CLVS1: variants seen among roughly 807,000 people sequenced by gnomAD.
CLVS1 encodes the protein clavesin-1.
A neutral mutation model predicts 33.1 loss-of-function variants in CLVS1; 10 were observed. The observed-to-expected ratio is 0.30, with a 90% CI of 0.19 to 0.51. The LOEUF is 0.51. Ranked by LOEUF, CLVS1 falls within the 20% of genes least tolerant of loss-of-function variation. The probability of loss-of-function intolerance (pLI) is 0.97; values close to 1 mark genes in which losing one functional copy is unlikely to be tolerated. For missense variants in CLVS1, 343 were observed against 433.4 expected (o/e 0.79, Z 1.85); for synonymous variants, 163 against 166.1 (o/e 0.98, Z 0.14).
chr8:61,273,657 G>A (rs1563472449), intron 2 of CLVS1, among the ~76,000 whole-genome samples: 1 of 152,218 alleles, frequency 6.6e-6, no homozygotes, highest in Non-Finnish European at 1.5e-5. Context: ...CGTGGGCGTA[G>A]GACCCTCCGA....
intron 3 of CLVS1, among the ~76,000 whole-genome samples, chr8:61,426,350 A>C (rs1054560913): frequency 1.3e-5 from 2 of 152,220 alleles, no homozygotes; most frequent in Non-Finnish European, 2.9e-5. Flanking sequence ...TGTGTGCATC[A>C]CTGCATATGG....
At chr8:61,365,764 T>TGTGTGTGTGTGC (rs979548386) in intron 2 of CLVS1, among the ~76,000 whole-genome samples, 1 of 146,394 alleles carries the variant, frequency 6.8e-6, no homozygotes, top group African/African-American at 2.7e-5. Flanking sequence ...GGTGTGTGTG[T>TGTGTGTGTGTGC]GTGTGTGTGT....
In CLVS1 at chr8:61,337,475, G is replaced by A. The variant is rs936224210; in HGVS notation, c.455+37193G>A. On this transcript the variant is annotated intron_variant, in intron 2 of 5. Transcript: ENST00000325897. ...TGGACAGTCCCTCTCCCTGACTTGC[G>A]CAGCAGCTGAATGGCTTGCTTTAGA... is the stretch of plus-strand genomic sequence containing the variant. Among the ~76,000 whole-genome samples the A allele has an allele frequency of 9.9e-5, 15 of 152,204 alleles. No individual in the cohort carries two copies. The South Asian group carries it at 1.5e-3, about 15-fold the overall frequency.
chr8:60,986,275 A>G, the CLVS1 span, among the ~76,000 whole-genome samples: 1 of 152,218 alleles, frequency 6.6e-6, no homozygotes, highest in African/African-American at 2.4e-5. Context: ...ATTTTCTCTA[A>G]TTAACAAAAC....
chr8:61,112,766 C>T (rs911782211), intron 1 of CLVS1, among the ~76,000 whole-genome samples: 3 of 151,884 alleles, frequency 2.0e-5, no homozygotes, highest in Admixed American at 6.6e-5. Flanking sequence ...CCTTGTGCCA[C>T]CAGCAGATGA....
chr8:61,288,121 C>T lies in CLVS1; in HGVS notation c.-169C>T. On this transcript the variant is annotated 5_prime_UTR_variant, in exon 1 of 6. Coordinates refer to ENST00000325897, the MANE Select transcript of CLVS1 (RefSeq NM_173519.3). ...GCAGAAATACATTCCCAAAGCAAGG[C>T]TGGGCGGCCGTGTGAAGGTATTTGT... 2.2e-6 allele frequency: 1 copy of T among 456,326 alleles called. No homozygotes were observed. The highest frequency in any genetic ancestry group is 1.5e-5 in the South Asian group (1 of 64,554). The allele number at this position is 456,326 out of a possible 1,614,324, so 28.3% of individuals were successfully genotyped here.
intron 3 of CLVS1, among the ~76,000 whole-genome samples, chr8:61,398,535 A>AT (rs889755380): frequency 1.9e-4 from 29 of 151,816 alleles, no homozygotes; most frequent in African/African-American, 6.5e-4. Context: ...ATTGTTTTTG[A>AT]TTTTTTATTT....
chr8:61,199,251 A>T (rs1015918350), intron 2 of CLVS1, among the ~76,000 whole-genome samples: 3 of 152,248 alleles, frequency 2.0e-5, no homozygotes, highest in Non-Finnish European at 4.4e-5. Context: ...CCAAAAATAA[A>T]TAAATGAGAC....
chr8:61,084,487 A>G (rs1805081616), intron 1 of CLVS1, among the ~76,000 whole-genome samples: 2 of 152,210 alleles, frequency 1.3e-5, no homozygotes, highest in African/African-American at 4.8e-5. Flanking sequence ...ACTACTAGCT[A>G]GTGAGTAGAA....
chr8:61,173,099 A>G lies in CLVS1; in HGVS notation c.-152+41239A>G, dbSNP rs536319391. Among the ~76,000 whole-genome samples, 13 of 152,170 alleles carry G rather than the reference A, an allele frequency of 8.5e-5. No individual in the cohort carries two copies. The South Asian group carries it at 2.7e-3, about 32-fold the overall frequency. On this transcript the variant is annotated intron_variant, in intron 2 of 2. Coordinates refer to the CLVS1 transcript ENST00000522621. The stretch of plus-strand genomic sequence containing the variant: ...TGCGCATTCAGTACTTTCCCTCTAC[A>G]ATGGCATCTTATTGGCATCTTTTCA...
intron 2 of CLVS1, among the ~76,000 whole-genome samples, chr8:61,327,518 C>T (rs1025539673): frequency 2.6e-5 from 4 of 152,184 alleles, no homozygotes; most frequent in South Asian, 4.1e-4. Flanking sequence ...CAGATCATTA[C>T]ATTTAGTTGG....
chr8:60,997,498 T>C, the CLVS1 span, among the ~76,000 whole-genome samples: 7 of 152,236 alleles, frequency 4.6e-5, no homozygotes, highest in African/African-American at 1.7e-4. Context: ...ATACAAATCA[T>C]ATATATACAC....
intron 2 of CLVS1, chr8:61,264,597 C>T (rs1335128814): frequency 6.6e-6 from 1 of 152,224 alleles, no homozygotes; most frequent in Admixed American, 6.5e-5. Context: ...AGACCGTAGT[C>T]AGATTCAAAG....
At position 61,288,107 on chromosome 8, in the gene CLVS1, T is replaced by C. The variant is rs1809834311; in HGVS notation, c.-183T>C. 20 of 456,264 alleles carry C rather than the reference T, an allele frequency of 4.4e-5. No homozygotes were observed. The highest frequency in any genetic ancestry group is 3.1e-4 in the South Asian group (20 of 64,556). The allele number at this position is 456,264 out of a possible 1,614,324, so 28.3% of individuals were successfully genotyped here. On this transcript the variant is annotated 5_prime_UTR_variant, in exon 1 of 6. Coordinates refer to ENST00000325897, the MANE Select transcript of CLVS1 (RefSeq NM_173519.3). ...CAGCGAGGACACCTGCAGAAATACA[T>C]TCCCAAAGCAAGGCTGGGCGGCCGT...
At chr8:61,304,866 T>C (rs1801064194) in intron 2 of CLVS1, among the ~76,000 whole-genome samples, 1 of 152,186 alleles carries the variant, frequency 6.6e-6, no homozygotes, top group African/African-American at 2.4e-5. Flanking sequence ...GTCTCAATTG[T>C]ATCAAGTGGA....
the CLVS1 span, among the ~76,000 whole-genome samples, chr8:61,031,985 G>T: frequency 6.6e-6 from 1 of 152,172 alleles, no homozygotes; most frequent in African/African-American, 2.4e-5. Flanking sequence ...AAATATGGGG[G>T]CAATATAATG....
intron 3 of CLVS1, among the ~76,000 whole-genome samples, chr8:61,436,021 A>G (rs535292217): frequency 2.0e-5 from 3 of 152,240 alleles, no homozygotes; most frequent in African/African-American, 7.2e-5. Context: ...ATATTTTTAC[A>G]TGTTTTCACA....
intron 1 of CLVS1, among the ~76,000 whole-genome samples, chr8:61,097,065 A>G (rs1211317546): frequency 6.6e-6 from 1 of 152,110 alleles, no homozygotes; most frequent in African/African-American, 2.4e-5. Context: ...ACCCACTATT[A>G]AAAACACAGC....
chr8:61,014,349 C>T, the CLVS1 span, among the ~76,000 whole-genome samples: 1 of 152,150 alleles, frequency 6.6e-6, no homozygotes, highest in African/African-American at 2.4e-5. Flanking sequence ...AGCATGTCTC[C>T]AAATGTAATC....
Sources: allele counts gnomAD v4.1 joint callset (sites outside exome capture counted in the v4.1 genomes callset), GRCh38; gene constraint gnomAD v4.1.1; transcripts MANE v1.5; gene names NCBI Gene and HGNC (gene_info 2026-07-23, HGNC 2026-07-21).